The following ALG6 variants were observed in gnomAD, a reference collection of about 807,000 sequenced individuals.
The protein encoded by ALG6 is dolichyl pyrophosphate Man9GlcNAc2 alpha-1,3-glucosyltransferase.
ALG6 carries 46 observed loss-of-function variants against 66.6 expected under a neutral mutation model. The ratio of observed to expected loss-of-function variants is 0.69; its 90% CI spans 0.55 to 0.88. The LOEUF (loss-of-function observed/expected upper bound fraction) is 0.88, where lower values mean the gene tolerates loss of function less well. Among genes scored for constraint, ALG6 ranks in the 40% least tolerant of loss-of-function variants. The pLI is 0.00. For synonymous variants in ALG6, 185 were observed against 203.7 expected (o/e 0.91, Z 0.78); for missense variants, 505 against 586.8 (o/e 0.86, Z 1.44).
intron 4 of ALG6, among the ~76,000 whole-genome samples, chr1:63,403,764 C>T (rs1230165169): frequency 6.6e-6 from 1 of 152,070 alleles, no homozygotes; most frequent in Admixed American, 6.6e-5. Flanking sequence ...ATACTGTAGG[C>T]AGTTGTAACA....
chr1:63,400,566 T>G (rs1415740791), intron 3 of ALG6, among the ~76,000 whole-genome samples: 2 of 151,610 alleles, frequency 1.3e-5, no homozygotes, highest in Non-Finnish European at 2.9e-5. Flanking sequence ...ACCAATGACT[T>G]TATTTTTAGT....
At chr1:63,416,529 G>C (rs1644546592) in intron 11 of ALG6, among the ~76,000 whole-genome samples, 1 of 152,160 alleles carries the variant, frequency 6.6e-6, no homozygotes, top group African/African-American at 2.4e-5. Flanking sequence ...TGTATGTGTT[G>C]AGAGTAGGAG....
At chr1:63,423,963 C>T (rs1280632609) in intron 12 of ALG6, among the ~76,000 whole-genome samples, 2 of 152,312 alleles carry the variant, frequency 1.3e-5, no homozygotes, top group South Asian at 2.1e-4. Flanking sequence ...TTCTCCATAT[C>T]CTTGATAGCA....
intron 7 of ALG6, among the ~76,000 whole-genome samples, chr1:63,408,649 C>T (rs1463228988): frequency 6.6e-6 from 1 of 152,196 alleles, no homozygotes; most frequent in African/African-American, 2.4e-5. Context: ...GTTCCAGATG[C>T]TCTACATCTT....
chr1:63,374,951 T>G (rs1648067767), intron 2 of ALG6, among the ~76,000 whole-genome samples: 1 of 152,178 alleles, frequency 6.6e-6, no homozygotes, highest in African/African-American at 2.4e-5. Flanking sequence ...GGCTCATGCT[T>G]GTAATTCTAG....
At chr1:63,422,365 A>G (rs1644588124) in intron 12 of ALG6, among the ~76,000 whole-genome samples, 3 of 121,526 alleles carry the variant, frequency 2.5e-5, no homozygotes, top group African/African-American at 9.5e-5. Flanking sequence ...ATATAAATAT[A>G]AATATATATA....
intron 4 of ALG6, among the ~76,000 whole-genome samples, chr1:63,403,296 A>G (rs1357356884): frequency 6.6e-6 from 1 of 152,134 alleles, no homozygotes; most frequent in Non-Finnish European, 1.5e-5. Flanking sequence ...GCTCAAAGTA[A>G]ATGAAAAATA....
chr1:63,405,210 T>A (rs1644484468), intron 5 of ALG6, among the ~76,000 whole-genome samples: 1 of 152,098 alleles, frequency 6.6e-6, no homozygotes, highest in South Asian at 2.1e-4. Context: ...ATAACCTGTT[T>A]TTCCTGTCTT....
chr1:63,434,683 T>G (rs1485472454), intron 14 of ALG6, among the ~76,000 whole-genome samples: 1 of 152,148 alleles, frequency 6.6e-6, no homozygotes, highest in Non-Finnish European at 1.5e-5. Flanking sequence ...ATAATTCTTC[T>G]TTTTCCAGTG....
chr1:63,437,842 C>G lies in ALG6; in HGVS notation c.*822C>G, dbSNP rs1644694794. 6.6e-6 allele frequency: 1 copy of G among 151,762 alleles called. No individual in the cohort carries two copies. The highest frequency in any genetic ancestry group is 1.5e-5 in the Non-Finnish European group (1 of 67,946). 9.4% of individuals were successfully genotyped at this position (151,762 alleles called of 1,614,324 possible). ...TATATATATTATTATTGACATGGTT[C>G]AGGGTTACCACTGCCAGAGCATTGA... On this transcript the variant is annotated 3_prime_UTR_variant, in exon 15 of 15. Transcript: ENST00000263440.
At chr1:63,395,785 A>G (rs1429690370) in intron 2 of ALG6, among the ~76,000 whole-genome samples, 2 of 152,218 alleles carry the variant, frequency 1.3e-5, no homozygotes, top group East Asian at 3.9e-4. Context: ...TGAAGTAAAA[A>G]TAAACCTGGA....
chr1:63,399,699 T>C (rs1026028077), intron 3 of ALG6, among the ~76,000 whole-genome samples: 3 of 152,062 alleles, frequency 2.0e-5, no homozygotes, highest in Non-Finnish European at 4.4e-5. Flanking sequence ...TAAACAAAAA[T>C]ACCAAATATG....
intron 1 of ALG6, among the ~76,000 whole-genome samples, chr1:63,368,715 G>T (rs574948903): frequency 5.3e-5 from 8 of 152,104 alleles, no homozygotes; most frequent in African/African-American, 1.9e-4. Flanking sequence ...TGACCAGGCT[G>T]GTCTCGAACT....
chr1:63,378,302 G>A (rs917977135), intron 2 of ALG6, among the ~76,000 whole-genome samples: 1 of 152,052 alleles, frequency 6.6e-6, no homozygotes. Context: ...CTTTTAATTT[G>A]TGTTGATGTT....
At chr1:63,384,073 G>A (rs1035593434) in intron 2 of ALG6, among the ~76,000 whole-genome samples, 2 of 152,166 alleles carry the variant, frequency 1.3e-5, no homozygotes, top group African/African-American at 4.8e-5. Flanking sequence ...GGACACTTAG[G>A]TTGCTTGCGA....
chr1:63,420,200 G>T (rs11208208), intron 12 of ALG6, among the ~76,000 whole-genome samples: 2 of 151,938 alleles, frequency 1.3e-5, no homozygotes, highest in Admixed American at 1.3e-4. Flanking sequence ...TGTGTGGAAG[G>T]CTTCTTGGCT....
rs35383149 is a variant in ALG6, at chr1:63,406,361, T to C, written c.391T>C (p.Tyr131His). The C allele has an allele frequency of 0.035, 55,795 of 1,613,214 alleles. 1,129 individuals carry two copies. The highest frequency in any genetic ancestry group is 0.038 in the Non-Finnish European group (45,018 of 1,179,402). ...LLIYIPAVVL[Y>H]CCCLKEISTK... ...GATTTACATACCTGCAGTGGTTTTG[T>C]ACTGTTGTTGCTTAAAAGAAATCTC... The change falls in exon 6 of 15, where the codon TAC becomes CAC. Residue 131 changes from tyrosine (Y) to histidine (H), a missense_variant. Tyr to His is a moderately conservative substitution (Grantham distance 83). Coordinates refer to ENST00000263440, the MANE Select transcript of ALG6 (RefSeq NM_013339.4).
Position 63,429,073 on chromosome 1 carries a change from G to A in ALG6, c.1273G>A (p.Val425Met). The change falls in exon 14 of 15, where the codon GTG becomes ATG. Residue 425 changes from valine (V) to methionine (M), a missense_variant. Val to Met is a conservative substitution (Grantham distance 21, BLOSUM62 1). Transcript: ENST00000263440. ...ELQLKSFSIS[V>M]RKYLPCFTFL... The stretch of plus-strand genomic sequence containing the variant: ...GCAGTTGAAATCCTTTTCCATTTCT[G>A]TGAGGAAATATCTTCCATGTTTTAC... The A allele has an allele frequency of 6.2e-7, 1 of 1,604,514 alleles. No homozygotes were observed. Among genetic ancestry groups the A allele is most frequent in the Non-Finnish European group, 8.5e-7 (1 of 1,175,316 alleles).
At chr1:63,403,899 G>A (rs1016302122) in intron 4 of ALG6, among the ~76,000 whole-genome samples, 9 of 152,092 alleles carry the variant, frequency 5.9e-5, no homozygotes, top group African/African-American at 1.9e-4. Context: ...ATGCGGTGTC[G>A]TTATGAGTGT....
Sources: allele counts gnomAD v4.1 joint callset (sites outside exome capture counted in the v4.1 genomes callset), GRCh38; gene constraint gnomAD v4.1.1; transcripts MANE v1.5; gene names NCBI Gene and HGNC (gene_info 2026-07-23, HGNC 2026-07-21).